The following AUTS2 variants were observed in gnomAD, a reference collection of about 807,000 sequenced individuals.
The protein encoded by AUTS2 is autism susceptibility gene 2 protein.
In AUTS2, 17 loss-of-function variants were observed where a neutral mutation model predicts 112.4. The ratio of observed to expected loss-of-function variants is 0.15; its 90% CI spans 0.10 to 0.23. AUTS2 has a LOEUF of 0.23. Ranked by LOEUF, AUTS2 falls within the 10% of genes least tolerant of loss-of-function variation. AUTS2 has a pLI of 1.00. For synonymous variants in AUTS2, 751 were observed against 702.7 expected, an observed-to-expected ratio of 1.07 and a Z score of -1.09; for missense variants, 1,510 against 1,701.6, an observed-to-expected ratio of 0.89 and a Z score of 1.98.
chr7:69,665,681 C>T (rs1174789900), intron 1 of AUTS2, among the ~76,000 whole-genome samples: 1 of 152,164 alleles, frequency 6.6e-6, no homozygotes, highest in Non-Finnish European at 1.5e-5. Context: ...TTCTGTTTAA[C>T]TTGTTAAGCA....
chr7:69,845,299 A>C (rs1423305631), intron 1 of AUTS2, among the ~76,000 whole-genome samples: 1 of 152,150 alleles, frequency 6.6e-6, no homozygotes, highest in Non-Finnish European at 1.5e-5. Flanking sequence ...TTTATGTCTC[A>C]TTGACCAGAC....
intron 5 of AUTS2, among the ~76,000 whole-genome samples, chr7:70,592,176 T>C (rs1802980168): frequency 6.6e-6 from 1 of 152,198 alleles, no homozygotes; most frequent in Non-Finnish European, 1.5e-5. Flanking sequence ...TGTATGTTTT[T>C]TCAGTATGAC....
At chr7:70,599,997 C>T (rs1657337836) in intron 5 of AUTS2, among the ~76,000 whole-genome samples, 1 of 152,160 alleles carries the variant, frequency 6.6e-6, no homozygotes, top group Non-Finnish European at 1.5e-5. Flanking sequence ...ACCTTCAGCA[C>T]CCCGGGGACT....
intron 2 of AUTS2, among the ~76,000 whole-genome samples, chr7:70,085,349 A>G (rs1435712956): frequency 2.0e-5 from 3 of 151,576 alleles, no homozygotes; most frequent in African/African-American, 7.3e-5. Flanking sequence ...ACATATAGTG[A>G]ATTCATTTAT....
At position 69,807,106 on chromosome 7, in the gene AUTS2, G is replaced by A. The variant is rs149789191; in HGVS notation, c.310-92180G>A. On this transcript the variant is annotated intron_variant, in intron 1 of 18. Coordinates refer to ENST00000342771, the MANE Select transcript of AUTS2 (RefSeq NM_015570.4). ...GTTGTGGTTGCACAACAGTATCATGGAAATGAAATGAATCTTAAGCCTAAT... is the reference window on the plus strand; with the variant it reads ...GTTGTGGTTGCACAACAGTATCATGAAAATGAAATGAATCTTAAGCCTAAT... Among the ~76,000 whole-genome samples, 289 of 152,242 alleles carry A rather than the reference G, an allele frequency of 1.9e-3. 1 individual carries two copies. Among genetic ancestry groups the A allele is most frequent in the Non-Finnish European group, 2.6e-3 (179 of 68,004 alleles).
intron 1 of AUTS2, among the ~76,000 whole-genome samples, chr7:69,825,110 A>G (rs1039663757): frequency 2.6e-5 from 4 of 152,176 alleles, no homozygotes; most frequent in Non-Finnish European, 4.4e-5. Flanking sequence ...TAGCGTTTAC[A>G]TAGTTATCTT....
At chr7:70,614,240 T>C (rs1295775550) in intron 5 of AUTS2, among the ~76,000 whole-genome samples, 1 of 152,238 alleles carries the variant, frequency 6.6e-6, no homozygotes, top group Non-Finnish European at 1.5e-5. Flanking sequence ...AATTATCAAT[T>C]TAATTTCTCA....
intron 5 of AUTS2, among the ~76,000 whole-genome samples, chr7:70,553,760 C>CTTT (rs71531706): frequency 8.2e-3 from 457 of 55,980 alleles, no homozygotes; most frequent in Non-Finnish European, 9.2e-3. Context: ...GCCTTTCTTT[C>CTTT]TTTTTTTTTT....
intron 17 of AUTS2, among the ~76,000 whole-genome samples, chr7:70,786,451 AGACACCACCAGGCTGC>A (rs61109507): frequency 0.03 from 4,539 of 152,228 alleles, 214 homozygotes; most frequent in African/African-American, 0.098. Context: ...AATAGCAGGA[AGACACCACCAGGCTGC>A]GACACCACCA....
At chr7:70,769,042 C>T (rs1790143006) in intron 10 of AUTS2, among the ~76,000 whole-genome samples, 1 of 152,050 alleles carries the variant, frequency 6.6e-6, no homozygotes. Context: ...CATTCATATT[C>T]TGAACCAGAT....
chr7:69,979,977 T>C (rs894720737), intron 2 of AUTS2, among the ~76,000 whole-genome samples: 1 of 152,242 alleles, frequency 6.6e-6, no homozygotes, highest in African/African-American at 2.4e-5. Flanking sequence ...ATTAATGAAT[T>C]AGGCTTTATA....
chr7:70,445,505 T>C (rs552087136), intron 5 of AUTS2, among the ~76,000 whole-genome samples: 1 of 152,276 alleles, frequency 6.6e-6, no homozygotes, highest in East Asian at 1.9e-4. Flanking sequence ...CGAATAAAAT[T>C]TGGGTCTACT....
chr7:69,805,462 A>AG (rs1313254705), intron 1 of AUTS2, among the ~76,000 whole-genome samples: 1 of 152,234 alleles, frequency 6.6e-6, no homozygotes, highest in Non-Finnish European at 1.5e-5. Context: ...AGAATGAAAG[A>AG]GGCTTCATAT....
chr7:69,913,527 A>C (rs1795445417), intron 2 of AUTS2, among the ~76,000 whole-genome samples: 1 of 152,148 alleles, frequency 6.6e-6, no homozygotes, highest in African/African-American at 2.4e-5. Flanking sequence ...TCACTGTGTG[A>C]CACAGCAAGG....
At chr7:70,171,602 T>C (rs1166346072) in intron 4 of AUTS2, among the ~76,000 whole-genome samples, 1 of 152,200 alleles carries the variant, frequency 6.6e-6, no homozygotes, top group Admixed American at 6.5e-5. Flanking sequence ...GATTATTATA[T>C]AGACATTATT....
chr7:69,915,329 G>C (rs1476766620), intron 2 of AUTS2, among the ~76,000 whole-genome samples: 3 of 152,170 alleles, frequency 2.0e-5, no homozygotes, highest in Admixed American at 6.5e-5. Context: ...GTTGGAAATA[G>C]TATTTTGTGT....
At chr7:70,583,413 C>T (rs766808920) in intron 5 of AUTS2, among the ~76,000 whole-genome samples, 2 of 152,194 alleles carry the variant, frequency 1.3e-5, no homozygotes, top group Non-Finnish European at 2.9e-5. Flanking sequence ...AAATCACAAC[C>T]GCAGTGATTA....
intron 2 of AUTS2, among the ~76,000 whole-genome samples, chr7:69,912,198 G>A (rs1795388064): frequency 6.6e-6 from 1 of 152,220 alleles, no homozygotes; most frequent in African/African-American, 2.4e-5. Context: ...AAATCAGAGT[G>A]GGCTCCAGGT....
At chr7:70,248,926 A>G (rs890464187) in intron 4 of AUTS2, among the ~76,000 whole-genome samples, 1 of 151,884 alleles carries the variant, frequency 6.6e-6, no homozygotes, top group East Asian at 1.9e-4. Flanking sequence ...CCCATGTTCT[A>G]CTCTTCATTT....
Sources: allele counts gnomAD v4.1 joint callset (sites outside exome capture counted in the v4.1 genomes callset), GRCh38; gene constraint gnomAD v4.1.1; transcripts MANE v1.5; gene names NCBI Gene and HGNC (gene_info 2026-07-23, HGNC 2026-07-21).